NEGR1: variants seen among roughly 807,000 people sequenced by gnomAD.
The protein encoded by NEGR1 is neuronal growth regulator 1, also known as IgLON family member 4.
In NEGR1, 10 loss-of-function variants were observed where a neutral mutation model predicts 40.9. That is an observed-to-expected ratio of 0.24 (90% confidence interval 0.15 to 0.42). NEGR1 has a LOEUF of 0.42. Among genes scored for constraint, NEGR1 ranks in the 10% least tolerant of loss-of-function variants. NEGR1 has a pLI of 1.00. For synonymous variants in NEGR1, 185 were observed against 166.8 expected (o/e 1.11, Z -0.84); for missense variants, 352 against 438.9 (o/e 0.80, Z 1.77).
At chr1:71,775,137 A>G (rs776458988) in intron 3 of NEGR1, among the ~76,000 whole-genome samples, 3 of 152,182 alleles carry the variant, frequency 2.0e-5, no homozygotes, top group Non-Finnish European at 4.4e-5. Context: ...TGATTACTTT[A>G]GCGGTTCATG....
At chr1:72,211,862 C>T (rs1653621403) in intron 1 of NEGR1, among the ~76,000 whole-genome samples, 1 of 151,764 alleles carries the variant, frequency 6.6e-6, no homozygotes, top group Non-Finnish European at 1.5e-5. Flanking sequence ...AAGAGATAAA[C>T]CATAGACTCT....
At chr1:71,854,432 C>T (rs1659700187) in intron 2 of NEGR1, among the ~76,000 whole-genome samples, 1 of 152,026 alleles carries the variant, frequency 6.6e-6, no homozygotes, top group Non-Finnish European at 1.5e-5. Flanking sequence ...TTGTACCCCA[C>T]ATCTAATACA....
At chr1:71,409,973 G>C (rs1336733526) in intron 6 of NEGR1, among the ~76,000 whole-genome samples, 1 of 151,980 alleles carries the variant, frequency 6.6e-6, no homozygotes, top group African/African-American at 2.4e-5. Context: ...CACTTAATAA[G>C]ATATGTATGA....
rs372351386 is a variant in NEGR1 at position 71,563,409 on chromosome 1, A to G, written c.940+29408T>C. Among the ~76,000 whole-genome samples the G allele has an allele frequency of 8.5e-5, 13 of 152,140 alleles. No homozygotes were observed. In the East Asian group the frequency reaches 1.9e-3, roughly 23 times the overall value. On this transcript the variant is annotated intron_variant, in intron 6 of 6. Coordinates refer to ENST00000357731, the MANE Select transcript of NEGR1 (RefSeq NM_173808.3). ...GAGCTAGATCAGAGAAAGCCCACAGAGCATTTTTGCAGAATAATGTCATAA... is the reference window on the plus strand; with the variant it reads ...GAGCTAGATCAGAGAAAGCCCACAGGGCATTTTTGCAGAATAATGTCATAA...
In NEGR1 at chr1:72,135,106, G is replaced by T. The variant is rs190984304; in HGVS notation, c.176+147213C>A. On this transcript the variant is annotated intron_variant, in intron 1 of 6. Transcript: ENST00000357731. ...AAGAAATAACTTTCGGCCGGGCGTG[G>T]TGGCTCAGGCCTGTAATCCCAGCAC... Among the ~76,000 whole-genome samples the T allele has an allele frequency of 8.2e-4, 124 of 150,380 alleles. 1 individual carries two copies. Among genetic ancestry groups the T allele is most frequent in the Middle Eastern group, 6.8e-3 (2 of 294 alleles).
At chr1:71,594,490 T>C (rs1469251139) in intron 5 of NEGR1, among the ~76,000 whole-genome samples, 1 of 152,210 alleles carries the variant, frequency 6.6e-6, no homozygotes, top group African/African-American at 2.4e-5. Flanking sequence ...ATTACTTATA[T>C]TTCATGTAAT....
At chr1:71,787,523 A>T in intron 2 of NEGR1, among the ~76,000 whole-genome samples, 1 of 152,160 alleles carries the variant, frequency 6.6e-6, no homozygotes, top group South Asian at 2.1e-4. Context: ...AAAATAGAAA[A>T]GTCTAGGCTT....
chr1:71,533,056 A>G (rs746379773), intron 6 of NEGR1, among the ~76,000 whole-genome samples: 5 of 151,614 alleles, frequency 3.3e-5, no homozygotes, highest in Non-Finnish European at 7.4e-5. Context: ...GACACAATTG[A>G]CCAAAATCCA....
chr1:71,636,533 G>A (rs925554332), intron 4 of NEGR1, among the ~76,000 whole-genome samples: 2 of 152,026 alleles, frequency 1.3e-5, no homozygotes, highest in Admixed American at 6.6e-5. Context: ...ACAGGAAATA[G>A]CACCGAATCA....
chr1:71,456,567 C>G (rs1333326285), intron 6 of NEGR1, among the ~76,000 whole-genome samples: 3 of 152,198 alleles, frequency 2.0e-5, no homozygotes, highest in Non-Finnish European at 4.4e-5. Flanking sequence ...GGTAAATGTA[C>G]TTTAATCATT....
intron 1 of NEGR1, among the ~76,000 whole-genome samples, chr1:72,261,704 A>C (rs1422428071): frequency 6.6e-6 from 1 of 152,050 alleles, no homozygotes; most frequent in Non-Finnish European, 1.5e-5. Context: ...GAATGAAATC[A>C]AGTCTTTACA....
At chr1:72,252,545 T>C (rs868186289) in intron 1 of NEGR1, among the ~76,000 whole-genome samples, 4 of 152,160 alleles carry the variant, frequency 2.6e-5, no homozygotes, top group African/African-American at 9.7e-5. Flanking sequence ...TGTAACACAG[T>C]TGTTGATATC....
intron 1 of NEGR1, among the ~76,000 whole-genome samples, chr1:72,197,439 G>A (rs2100440251): frequency 6.6e-6 from 1 of 151,964 alleles, no homozygotes; most frequent in African/African-American, 2.4e-5. Flanking sequence ...AACTGTTTTA[G>A]TCTATCACGT....
chr1:71,419,744 C>T (rs1646381247), intron 6 of NEGR1, among the ~76,000 whole-genome samples: 2 of 152,032 alleles, frequency 1.3e-5, no homozygotes, highest in African/African-American at 2.4e-5. Flanking sequence ...CTCTCCTCTG[C>T]AACCTTGAAA....
chr1:71,720,740 T>A (rs928837770), intron 3 of NEGR1, among the ~76,000 whole-genome samples: 8 of 152,100 alleles, frequency 5.3e-5, no homozygotes, highest in African/African-American at 1.9e-4. Flanking sequence ...TAAAGCAAAA[T>A]CAGGTTTTTA....
intron 1 of NEGR1, among the ~76,000 whole-genome samples, chr1:71,965,440 C>A (rs1180477277): frequency 6.6e-6 from 1 of 152,156 alleles, no homozygotes; most frequent in Non-Finnish European, 1.5e-5. Context: ...AAGCATGCTT[C>A]ATAGTCTATG....
chr1:71,824,580 A>C lies in NEGR1; in HGVS notation c.410-48283T>G, dbSNP rs1030372187. Among the ~76,000 whole-genome samples the C allele has an allele frequency of 3.3e-5, 5 of 151,986 alleles. No individual in the cohort carries two copies. In the East Asian group the frequency reaches 9.7e-4, roughly 29 times the overall value. ...CAATCCAGCCTTAAGTGTTCAAAGC[A>C]ATGAATTTTGACAACTGTAAACTAT... is the stretch of plus-strand genomic sequence containing the variant. On this transcript the variant is annotated intron_variant, in intron 2 of 6. Coordinates refer to ENST00000357731, the MANE Select transcript of NEGR1 (RefSeq NM_173808.3).
chr1:71,979,955 G>C (rs1332460199), intron 1 of NEGR1, among the ~76,000 whole-genome samples: 1 of 152,136 alleles, frequency 6.6e-6, no homozygotes, highest in Non-Finnish European at 1.5e-5. Flanking sequence ...AAACATTATA[G>C]TGATAGTGAA....
intron 3 of NEGR1, among the ~76,000 whole-genome samples, chr1:71,717,897 T>C (rs1654331554): frequency 1.3e-5 from 2 of 152,120 alleles, no homozygotes; most frequent in Non-Finnish European, 2.9e-5. Context: ...CAAACAGCTA[T>C]CTACAAGTCA....
Sources: allele counts gnomAD v4.1 joint callset (sites outside exome capture counted in the v4.1 genomes callset), GRCh38; gene constraint gnomAD v4.1.1; transcripts MANE v1.5; gene names NCBI Gene and HGNC (gene_info 2026-07-23, HGNC 2026-07-21).